Variants in LTBP1 observed in about 807,000 individuals in gnomAD.
LTBP1 encodes latent transforming growth factor beta binding protein 1.
In LTBP1, 129 loss-of-function variants were observed where a neutral mutation model predicts 207.6. The observed-to-expected ratio is 0.62, with a 90% CI of 0.54 to 0.72. The LOEUF (loss-of-function observed/expected upper bound fraction) is 0.72. Among genes scored for constraint, LTBP1 ranks in the 30% least tolerant of loss-of-function variants. The pLI, the probability that LTBP1 is intolerant of heterozygous loss-of-function variation, is 0.00. For synonymous variants in LTBP1, 963 were observed against 833.7 expected (o/e 1.16, Z -2.67); for missense variants, 2,281 against 2,217.2 (o/e 1.03, Z -0.58).
At chr2:33,325,190 C>T (rs1197711688) in intron 24 of LTBP1, among the ~76,000 whole-genome samples, 2 of 152,218 alleles carry the variant, frequency 1.3e-5, no homozygotes, top group East Asian at 1.9e-4. Context: ...AGTAAGCTGA[C>T]AGCCAGCACT....
intron 19 of LTBP1, among the ~76,000 whole-genome samples, chr2:33,283,260 C>T (rs2093597262): frequency 6.6e-6 from 1 of 151,796 alleles, no homozygotes; most frequent in Non-Finnish European, 1.5e-5. Context: ...CCTTGGTGGT[C>T]AGGATAGTCA....
At chr2:33,335,174 GAAAAA>G (rs201701995) in intron 24 of LTBP1, among the ~76,000 whole-genome samples, 1 of 118,072 alleles carries the variant, frequency 8.5e-6, no homozygotes. Context: ...CCATGCTGGG[GAAAAA>G]AAAAAAAAAA....
chr2:33,253,673 G>A (rs1412592798), intron 11 of LTBP1, among the ~76,000 whole-genome samples: 1 of 152,106 alleles, frequency 6.6e-6, no homozygotes, highest in East Asian at 1.9e-4. Flanking sequence ...GGGCCATGTA[G>A]TGTCTTAAAG....
At chr2:33,332,419 C>A (rs1263818669) in intron 24 of LTBP1, among the ~76,000 whole-genome samples, 6 of 147,336 alleles carry the variant, frequency 4.1e-5, no homozygotes, top group African/African-American at 1.0e-4. Flanking sequence ...GACAGAGACA[C>A]TCTCATTATA....
intron 2 of LTBP1, among the ~76,000 whole-genome samples, chr2:33,011,567 C>T (rs1293791692): frequency 1.3e-5 from 2 of 151,948 alleles, no homozygotes; most frequent in African/African-American, 4.8e-5. Context: ...ATCTACAAGC[C>T]AGAATGAGGC....
intron 24 of LTBP1, among the ~76,000 whole-genome samples, chr2:33,318,301 CAAGTG>C (rs1310324198): frequency 5.3e-5 from 8 of 152,078 alleles, no homozygotes; most frequent in Non-Finnish European, 1.0e-4. Context: ...ATTCACAGTT[CAAGTG>C]AAGTGGGAAG....
At position 33,149,228 on chromosome 2, in the gene LTBP1, C is replaced by CAAAAAAAAA. The variant is rs58303103; in HGVS notation, c.1201+14287_1201+14295dup. On this transcript the variant is annotated intron_variant, in intron 5 of 33. Coordinates refer to ENST00000404816, the MANE Select transcript of LTBP1 (RefSeq NM_206943.4). ...AGACTCCGTCTCACTCACAAAAAAA[C>CAAAAAAAAA]AAAAAAAAAAAAAAAAAAAAAAAAA... 1.6e-3 allele frequency among the ~76,000 whole-genome samples: 131 copies of CAAAAAAAAA among 82,784 alleles called. 7 individuals are homozygous for CAAAAAAAAA. The highest frequency in any genetic ancestry group is 2.3e-3 in the African/African-American group (49 of 21,172). 54.3% of individuals were successfully genotyped at this position (82,784 alleles called of 152,430 possible). A position where few individuals can be genotyped will look rare whatever the true frequency, so the allele number is the denominator to read the frequency against.
intron 3 of LTBP1, among the ~76,000 whole-genome samples, chr2:33,045,084 G>C (rs896609037): frequency 1.3e-5 from 2 of 152,100 alleles, no homozygotes; most frequent in African/African-American, 4.8e-5. Context: ...TCTGATGATA[G>C]TTTCTTTTGC....
At chr2:33,102,517 T>A (rs922219602) in intron 3 of LTBP1, among the ~76,000 whole-genome samples, 1 of 152,256 alleles carries the variant, frequency 6.6e-6, no homozygotes, top group Non-Finnish European at 1.5e-5. Context: ...GCTTATTTTC[T>A]ATATTTTTTC....
intron 26 of LTBP1, among the ~76,000 whole-genome samples, chr2:33,352,599 T>G (rs894808054): frequency 6.6e-6 from 1 of 152,222 alleles, no homozygotes; most frequent in Non-Finnish European, 1.5e-5. Context: ...TGGGTCAGTC[T>G]TTCAGCATCA....
intron 15 of LTBP1, among the ~76,000 whole-genome samples, chr2:33,264,262 A>C (rs1312603651): frequency 6.6e-6 from 1 of 151,750 alleles, no homozygotes; most frequent in Non-Finnish European, 1.5e-5. Context: ...TCTCAAAAAA[A>C]AAAAAAAAAA....
Position 33,259,620 on chromosome 2 carries a change from T to G in LTBP1, c.2418+10T>G. 1 of 1,603,122 alleles carries G rather than the reference T, an allele frequency of 6.2e-7. No individual in the cohort carries two copies. Among genetic ancestry groups the G allele is most frequent in the Non-Finnish European group, 8.5e-7 (1 of 1,175,528 alleles). Reference sequence around the variant, plus strand: ...TGCACCCCCTGAAAAGGTAATTTATTCATTGCTTGCAAGTCTTTTTTTTTC... The same window carrying G: ...TGCACCCCCTGAAAAGGTAATTTATGCATTGCTTGCAAGTCTTTTTTTTTC... On this transcript the variant is annotated intron_variant, in intron 13 of 33. Transcript: ENST00000404816.
At chr2:33,366,074 C>T in intron 31 of LTBP1, among the ~76,000 whole-genome samples, 1 of 152,202 alleles carries the variant, frequency 6.6e-6, no homozygotes, top group East Asian at 1.9e-4. Flanking sequence ...AAAGATGAGA[C>T]AGGCTAAGCT....
chr2:33,162,494 C>T (rs2148161882), intron 5 of LTBP1, among the ~76,000 whole-genome samples: 1 of 152,230 alleles, frequency 6.6e-6, no homozygotes, highest in African/African-American at 2.4e-5. Context: ...ATGGTGAAAG[C>T]AGAAACTTTG....
chr2:33,169,791 A>G (rs2085255587), intron 5 of LTBP1, among the ~76,000 whole-genome samples: 1 of 152,246 alleles, frequency 6.6e-6, no homozygotes, highest in Non-Finnish European at 1.5e-5. Flanking sequence ...TTTAAAAATC[A>G]TTAACATTCT....
At position 32,978,368 on chromosome 2, in the gene LTBP1, A is replaced by G. The variant is rs937688156; in HGVS notation, c.565+29423A>G. Among the ~76,000 whole-genome samples, 6 of 152,102 alleles carry G rather than the reference A, an allele frequency of 3.9e-5. No individual in the cohort carries two copies. In the South Asian group the frequency reaches 1.2e-3, roughly 32 times the overall value. On this transcript the variant is annotated intron_variant, in intron 2 of 33. Coordinates refer to ENST00000404816, the MANE Select transcript of LTBP1 (RefSeq NM_206943.4). Reference sequence around the variant, plus strand: ...TTTTTGGCTTTTATTGTACTCAGGTATGTTTTTTTCTATACCCAGTTGTTT... The same window carrying G: ...TTTTTGGCTTTTATTGTACTCAGGTGTGTTTTTTTCTATACCCAGTTGTTT...
At chr2:33,123,552 T>C (rs915107411) in intron 4 of LTBP1, among the ~76,000 whole-genome samples, 2 of 152,228 alleles carry the variant, frequency 1.3e-5, no homozygotes, top group Non-Finnish European at 2.9e-5. Context: ...AAGTGATTCA[T>C]GGTGTTTCTT....
chr2:33,048,453 C>A lies in LTBP1; in HGVS notation c.863+27247C>A, dbSNP rs560524763. On this transcript the variant is annotated intron_variant, in intron 3 of 33. Transcript: ENST00000404816. ...TTATTAAAGTTAAATGTTGACCAGGCACATTGATGCCTAATAGCATTGCTT... is the reference window on the plus strand; with the variant it reads ...TTATTAAAGTTAAATGTTGACCAGGAACATTGATGCCTAATAGCATTGCTT... Among the ~76,000 whole-genome samples the A allele has an allele frequency of 3.3e-5, 5 of 152,302 alleles. No homozygotes were observed. The South Asian group carries it at 6.2e-4, about 19-fold the overall frequency.
chr2:33,206,584 CA>C lies in LTBP1; in HGVS notation c.1702-10962del, dbSNP rs376630663. 1.0e-3 allele frequency among the ~76,000 whole-genome samples: 158 copies of C among 151,916 alleles called. 3 individuals carry two copies. In the East Asian group the frequency reaches 0.025, roughly 24 times the overall value. ...TGAAGCCCCATCTCTACTAAAAATACAAAAAACTAGCCGGGCGTGGTGGCAG... is the reference window on the plus strand; with the variant it reads ...TGAAGCCCCATCTCTACTAAAAATACAAAAACTAGCCGGGCGTGGTGGCAG... On this transcript the variant is annotated intron_variant, in intron 7 of 33. Coordinates refer to ENST00000404816, the MANE Select transcript of LTBP1 (RefSeq NM_206943.4).
Sources: gnomAD v4.1 joint callset for allele counts (sites outside exome capture counted in the v4.1 genomes callset) on GRCh38, gnomAD v4.1.1 for gene constraint, MANE v1.5 for transcripts, NCBI Gene and HGNC (gene_info 2026-07-23, HGNC 2026-07-21) for gene names.